The following ERAP1 variants were observed in gnomAD, a reference collection of about 807,000 sequenced individuals.
The protein encoded by ERAP1 is adipocyte-derived leucine aminopeptidase.
Under a neutral mutation model 103.7 loss-of-function variants are expected in ERAP1, and 86 were observed. That is an observed-to-expected ratio of 0.83 (90% CI 0.70 to 0.99). ERAP1 has a LOEUF of 0.99. Among genes scored for constraint, ERAP1 ranks in the 50% least tolerant of loss-of-function variants. The pLI, the probability that ERAP1 is intolerant of heterozygous loss-of-function variation, is 0.00. For missense variants in ERAP1, 1,009 were observed against 1,128.4 expected (o/e 0.89, Z 1.52); for synonymous variants, 398 against 402.4 (o/e 0.99, Z 0.13).
the ERAP1 span, chr5:96,873,243 C>A: frequency 4.9e-6 from 2 of 409,460 alleles, no homozygotes; most frequent in Admixed American, 3.0e-5. Context: ...ACAATAAAGT[C>A]TCATCTCTTT....
the ERAP1 span, among the ~76,000 whole-genome samples, chr5:96,932,638 A>G: frequency 6.6e-6 from 1 of 152,166 alleles, no homozygotes; most frequent in East Asian, 1.9e-4. Flanking sequence ...CCCTCTCTAG[A>G]CAGTAGTTCC....
rs1042206146 is a variant in ERAP1, at chr5:96,793,280, A to G, written c.1188+120T>C. Reference sequence around the variant, plus strand: ...AACACGATTCATATCTAAACTGTCAAGGAAGTTATCAGTGAAATATTTTTA... The same window carrying G: ...AACACGATTCATATCTAAACTGTCAGGGAAGTTATCAGTGAAATATTTTTA... On this transcript the variant is annotated intron_variant, in intron 7 of 18. Transcript: ENST00000443439. 118 of 807,314 alleles carry G rather than the reference A, an allele frequency of 1.5e-4. 1 individual carries two copies. In the South Asian group the frequency reaches 1.7e-3, roughly 12 times the overall value. 50.0% of individuals were successfully genotyped at this position (807,314 alleles called of 1,614,324 possible).
the ERAP1 span, among the ~76,000 whole-genome samples, chr5:96,872,335 CAAAAA>C: frequency 2.4e-5 from 3 of 127,420 alleles, no homozygotes; most frequent in Non-Finnish European, 3.4e-5. Flanking sequence ...GACCCTGTCT[CAAAAA>C]AAAAAAAAAA....
chr5:96,781,055 T>TA lies in ERAP1; in HGVS notation c.2588+2dup, dbSNP rs767700749. On this transcript the variant is annotated splice_region_variant and intron_variant, in intron 17 of 18. Coordinates refer to ENST00000443439, the MANE Select transcript of ERAP1 (RefSeq NM_001040458.3). ...TCACAGCACAATTTTTGGCACCACT[T>TA]ACTTTTGTACAAGTTTGTTCCAGTT... is the stretch of plus-strand genomic sequence containing the variant. The TA allele has an allele frequency of 5.0e-6, 8 of 1,614,080 alleles. No homozygotes were observed. Among genetic ancestry groups the TA allele is most frequent in the South Asian group, 4.4e-5 (4 of 91,080 alleles).
At chr5:96,764,675 G>C (rs1244998396) in intron 19 of ERAP1, among the ~76,000 whole-genome samples, 1 of 152,096 alleles carries the variant, frequency 6.6e-6, no homozygotes, top group East Asian at 1.9e-4. Flanking sequence ...TGCGGGTCAC[G>C]CTGCACTTTC....
At chr5:96,841,101 G>T in the ERAP1 span, among the ~76,000 whole-genome samples, 9 of 152,164 alleles carry the variant, frequency 5.9e-5, no homozygotes, top group Non-Finnish European at 8.8e-5. Flanking sequence ...TCATGGCTGG[G>T]TACATAAATT....
At chr5:96,884,071 T>TA in the ERAP1 span, 1 of 562,478 alleles carries the variant, frequency 1.8e-6, no homozygotes, top group Non-Finnish European at 2.9e-6. Flanking sequence ...TCTATCTATC[T>TA]ATCTATCTAT....
intron 19 of ERAP1, chr5:96,765,988 G>T: frequency 2.2e-6 from 2 of 911,786 alleles, no homozygotes; most frequent in South Asian, 2.9e-5. Context: ...TGCTGCATTT[G>T]ACAATGTATT....
chr5:96,922,173 T>C, the ERAP1 span, among the ~76,000 whole-genome samples: 1 of 152,016 alleles, frequency 6.6e-6, no homozygotes, highest in East Asian at 1.9e-4. Flanking sequence ...TGGCAGGCTC[T>C]TGTAGTCCCA....
At chr5:96,820,594 A>C in the ERAP1 span, among the ~76,000 whole-genome samples, 1 of 151,944 alleles carries the variant, frequency 6.6e-6, no homozygotes, top group Non-Finnish European at 1.5e-5. Flanking sequence ...GAGTCCTATA[A>C]AATTGCTACT....
chr5:96,828,134 A>G, the ERAP1 span, among the ~76,000 whole-genome samples: 1 of 152,226 alleles, frequency 6.6e-6, no homozygotes, highest in Non-Finnish European at 1.5e-5. Flanking sequence ...AAACAGAACC[A>G]TTGAAAACGT....
chr5:96,795,479 C>T (rs1246442062), intron 4 of ERAP1, among the ~76,000 whole-genome samples: 1 of 152,154 alleles, frequency 6.6e-6, no homozygotes, highest in Non-Finnish European at 1.5e-5. Flanking sequence ...GCACTGCAGC[C>T]AGCTTTAACC....
At chr5:96,834,949 T>C in the ERAP1 span, among the ~76,000 whole-genome samples, 3 of 152,200 alleles carry the variant, frequency 2.0e-5, no homozygotes, top group African/African-American at 7.2e-5. Flanking sequence ...ACTGTAAATT[T>C]ACATTTTAAA....
the ERAP1 span, among the ~76,000 whole-genome samples, chr5:96,880,428 A>G: frequency 1.8e-4 from 28 of 152,346 alleles, no homozygotes; most frequent in Non-Finnish European, 3.2e-4. Flanking sequence ...CACAGTAGAG[A>G]TGTAAAGACA....
chr5:96,789,176 T>G (rs866509356), intron 10 of ERAP1, among the ~76,000 whole-genome samples: 23 of 152,160 alleles, frequency 1.5e-4, no homozygotes, highest in African/African-American at 4.8e-4. Flanking sequence ...CTAAAAAAGC[T>G]TTTAAGAAAT....
chr5:96,867,330 C>T, the ERAP1 span, among the ~76,000 whole-genome samples: 3,327 of 152,130 alleles, frequency 0.022, 67 homozygotes, highest in Middle Eastern at 0.044. Flanking sequence ...ATACCCTGTG[C>T]TTTAGTTATG....
chr5:96,886,573 TA>T, the ERAP1 span: 1 of 1,262,706 alleles, frequency 7.9e-7, no homozygotes, highest in Non-Finnish European at 1.1e-6. Context: ...GGCTTGCCTC[TA>T]ACTCACCTGC....
intron 3 of ERAP1, among the ~76,000 whole-genome samples, chr5:96,799,885 G>T (rs1777784061): frequency 6.6e-6 from 1 of 152,232 alleles, no homozygotes; most frequent in African/African-American, 2.4e-5. Context: ...TGGGGTGGGA[G>T]ATCCGAATCT....
the ERAP1 span, among the ~76,000 whole-genome samples, chr5:96,842,687 C>G: frequency 0.16 from 25,066 of 152,008 alleles, 2,467 homozygotes; most frequent in Non-Finnish European, 0.23. Flanking sequence ...AGTTCTTTTT[C>G]TGGTATATAG....
Sources: allele counts gnomAD v4.1 joint callset (sites outside exome capture counted in the v4.1 genomes callset), GRCh38; gene constraint gnomAD v4.1.1; transcripts MANE v1.5; gene names NCBI Gene and HGNC (gene_info 2026-07-23, HGNC 2026-07-21).